RBFOX3: variants seen among roughly 807,000 people sequenced by gnomAD.
RBFOX3 encodes the protein RNA binding protein fox-1 homolog 3.
A neutral mutation model predicts 48.7 loss-of-function variants in RBFOX3; 17 were observed. The ratio of observed to expected loss-of-function variants is 0.35; its 90% CI spans 0.24 to 0.52. The LOEUF (loss-of-function observed/expected upper bound fraction) is 0.52. Ranked by LOEUF, RBFOX3 falls within the 20% of genes least tolerant of loss-of-function variation. The pLI, the probability that RBFOX3 is intolerant of heterozygous loss-of-function variation, is 0.94. For synonymous variants in RBFOX3, 212 were observed against 209.5 expected, an observed-to-expected ratio of 1.01 and a Z score of -0.10; for missense variants, 382 against 497.5, an observed-to-expected ratio of 0.77 and a Z score of 2.21.
intron 3 of RBFOX3, among the ~76,000 whole-genome samples, chr17:79,277,501 A>G (rs182966916): frequency 1.3e-4 from 20 of 152,326 alleles, no homozygotes; most frequent in Admixed American, 3.9e-4. Context: ...TCCCATACTC[A>G]GTTCCCCGAA....
chr17:79,120,877 G>T (rs1034166141), intron 4 of RBFOX3, among the ~76,000 whole-genome samples: 1 of 152,000 alleles, frequency 6.6e-6, no homozygotes, highest in African/African-American at 2.4e-5. Flanking sequence ...AAACTGGTAA[G>T]ACCCAGCTCT....
chr17:79,601,954 C>T (rs1290350551), intron 1 of RBFOX3: 2 of 152,186 alleles, frequency 1.3e-5, no homozygotes, highest in African/African-American at 2.4e-5. Context: ...CACAAGCAGA[C>T]GTATTTTCCA....
At chr17:79,370,609 C>T (rs2058399968) in intron 2 of RBFOX3, among the ~76,000 whole-genome samples, 1 of 149,286 alleles carries the variant, frequency 6.7e-6, no homozygotes, top group South Asian at 2.2e-4. Context: ...CTCATACACC[C>T]TGACATGCAC....
chr17:79,545,252 C>T (rs943359345), intron 1 of RBFOX3, among the ~76,000 whole-genome samples: 5 of 152,042 alleles, frequency 3.3e-5, no homozygotes, highest in African/African-American at 1.2e-4. Context: ...CGAGGGTCCC[C>T]ATTCCCGCCC....
Position 79,299,379 on chromosome 17 carries a change from G to A in RBFOX3, c.-74+8345C>T, listed in dbSNP as rs978203444. 2.0e-5 allele frequency among the ~76,000 whole-genome samples: 3 copies of A among 151,866 alleles called. No homozygotes were observed. The highest frequency in any genetic ancestry group is 4.4e-5 in the Non-Finnish European group (3 of 67,958). ...CTGGATCTTAGAGTTCTGCATCCAT[G>A]GATTAAACCAACCACAGGTCAAAAG... On this transcript the variant is annotated intron_variant, in intron 3 of 14. Transcript: ENST00000693108. The surrounding 1 kb of genome is among the most constrained non-coding windows in gnomAD (Gnocchi z 4.5).
chr17:79,256,660 G>A (rs2064901085), intron 3 of RBFOX3, among the ~76,000 whole-genome samples: 1 of 152,150 alleles, frequency 6.6e-6, no homozygotes, highest in African/African-American at 2.4e-5. Context: ...GCTCATGCCT[G>A]TAATCCCAGC....
chr17:79,476,076 G>C (rs2077701481), intron 2 of RBFOX3, among the ~76,000 whole-genome samples: 1 of 152,222 alleles, frequency 6.6e-6, no homozygotes, highest in Non-Finnish European at 1.5e-5. Flanking sequence ...GTGCTCTGGG[G>C]GCCACTGACA....
chr17:79,544,975 C>CAA (rs10584963), intron 1 of RBFOX3, among the ~76,000 whole-genome samples: 23,410 of 81,142 alleles, frequency 0.29, 3,223 homozygotes, highest in Admixed American at 0.45. Flanking sequence ...TCATTAAGGG[C>CAA]AAAAAAAAAA....
At chr17:79,342,102 C>T (rs2082196681) in intron 2 of RBFOX3, among the ~76,000 whole-genome samples, 1 of 152,362 alleles carries the variant, frequency 6.6e-6, no homozygotes, top group African/African-American at 2.4e-5. Flanking sequence ...GTGCTTCCCT[C>T]ACCTCGTGGT....
intron 1 of RBFOX3, among the ~76,000 whole-genome samples, chr17:79,546,734 A>C (rs2090493857): frequency 7.0e-6 from 1 of 143,218 alleles, no homozygotes; most frequent in African/African-American, 2.7e-5. Context: ...CAGTGGTGCT[A>C]TCTCTGCTCA....
chr17:79,506,939 A>G (rs1412495505), intron 1 of RBFOX3, among the ~76,000 whole-genome samples: 1 of 152,186 alleles, frequency 6.6e-6, no homozygotes, highest in Non-Finnish European at 1.5e-5. Context: ...AGGCCTGCGC[A>G]GATGTGGCCT....
chr17:79,336,932 G>C (rs2377403), intron 2 of RBFOX3, among the ~76,000 whole-genome samples: 149,315 of 152,252 alleles, frequency 0.98, 73,285 homozygotes, highest in Non-Finnish European at 1. Flanking sequence ...CAACCCTGGC[G>C]AACATGGTGA....
At chr17:79,188,521 G>A (rs1208043162) in intron 4 of RBFOX3, among the ~76,000 whole-genome samples, 2 of 152,212 alleles carry the variant, frequency 1.3e-5, no homozygotes, top group Non-Finnish European at 2.9e-5. Context: ...AAAGCGAAGG[G>A]CACACTTGAG....
chr17:79,132,088 G>A (rs1041680184), intron 4 of RBFOX3, among the ~76,000 whole-genome samples: 8 of 152,066 alleles, frequency 5.3e-5, no homozygotes, highest in African/African-American at 9.7e-5. Flanking sequence ...GGGCTTGGTC[G>A]GCAGGTGCAG....
chr17:79,486,406 C>A (rs2079612924), intron 1 of RBFOX3, among the ~76,000 whole-genome samples: 1 of 152,200 alleles, frequency 6.6e-6, no homozygotes, highest in Non-Finnish European at 1.5e-5. Context: ...CACAGCAGAG[C>A]ACACAGGGAC....
chr17:79,123,750 C>A (rs997302969), intron 4 of RBFOX3, among the ~76,000 whole-genome samples: 1 of 152,196 alleles, frequency 6.6e-6, no homozygotes, highest in African/African-American at 2.4e-5. Flanking sequence ...CCATTCCTAT[C>A]GCACCTGGCA....
Position 79,159,329 on chromosome 17 carries a change from T to C in RBFOX3, c.-33-43581A>G, listed in dbSNP as rs1328827092. On this transcript the variant is annotated intron_variant, in intron 4 of 14. Transcript: ENST00000693108. ...CCGGGCGGTTCCTCCTCACAGATTC[T>C]ATAGCCGGAGATGGAGATGGCTCAG... Among the ~76,000 whole-genome samples, 3 of 152,116 alleles carry C rather than the reference T, an allele frequency of 2.0e-5. No homozygotes were observed. In the East Asian group the frequency reaches 5.8e-4, roughly 29 times the overall value.
intron 1 of RBFOX3, among the ~76,000 whole-genome samples, chr17:79,581,957 C>T (rs1327996114): frequency 2.6e-5 from 4 of 151,818 alleles, no homozygotes; most frequent in Non-Finnish European, 5.9e-5. Flanking sequence ...CGTGCCTGCC[C>T]ATGTATGTGC....
chr17:79,622,839 C>A, the RBFOX3 span, among the ~76,000 whole-genome samples: 3,639 of 152,288 alleles, frequency 0.024, 142 homozygotes, highest in African/African-American at 0.083. Flanking sequence ...ATACCTGTTT[C>A]TTCTACTAAT....
Sources: gnomAD v4.1 joint callset for allele counts (sites outside exome capture counted in the v4.1 genomes callset) on GRCh38, gnomAD v4.1.1 for gene constraint, Gnocchi (gnomAD v3.1) non-coding constraint, MANE v1.5 for transcripts, NCBI Gene and HGNC (gene_info 2026-07-23, HGNC 2026-07-21) for gene names.